Variants in MSN observed in about 807,000 individuals in gnomAD.
The protein encoded by MSN is moesin.
Under a neutral mutation model 48.0 loss-of-function variants are expected in MSN, and 2 were observed. The ratio of observed to expected loss-of-function variants is 0.04; its 90% CI spans 0.02 to 0.13. MSN has a LOEUF of 0.13. Among genes scored for constraint, MSN ranks in the 10% least tolerant of loss-of-function variants. The probability of loss-of-function intolerance (pLI) is 1.00; values close to 1 mark genes in which losing one functional copy is unlikely to be tolerated. For missense variants in MSN, 267 were observed against 470.1 expected, an observed-to-expected ratio of 0.57 and a Z score of 3.99; for synonymous variants, 146 against 166.9, an observed-to-expected ratio of 0.87 and a Z score of 0.97.
rs1013478944 is a variant in MSN, at chrX:65,624,413, C to A, written c.-22+35801C>A. ...ACTTATTCCCTCTTTCTTCTATTGT[C>A]ATTCTGTGCAAAAGTTTGTCAATTT... On this transcript the variant is annotated intron_variant, in intron 1 of 3. Coordinates refer to the MSN transcript ENST00000609672. Among the ~76,000 whole-genome samples, 46 of 110,440 alleles carry A rather than the reference C, an allele frequency of 4.2e-4. 1 individual carries two copies. Among genetic ancestry groups the A allele is most frequent in the African/African-American group, 1.4e-3 (42 of 29,861 alleles).
At chrX:65,714,661 TG>T (rs1441189088) in intron 1 of MSN, among the ~76,000 whole-genome samples, 1 of 111,839 alleles carries the variant, frequency 8.9e-6, no homozygotes, top group African/African-American at 3.3e-5. Flanking sequence ...TTAATGGGGT[TG>T]TTTTTTTTCT....
chrX:65,630,178 CAA>C (rs779661452), intron 1 of MSN, among the ~76,000 whole-genome samples: 4 of 94,080 alleles, frequency 4.3e-5, no homozygotes, highest in Admixed American at 2.3e-4. Context: ...GCCTTTGACT[CAA>C]AAAAAAAAAA....
intron 1 of MSN, among the ~76,000 whole-genome samples, chrX:65,621,777 G>A (rs1184884089): frequency 8.9e-6 from 1 of 112,195 alleles, no homozygotes; most frequent in Admixed American, 9.5e-5. Flanking sequence ...AATGCTTTTT[G>A]TATATTTAGG....
At chrX:65,617,015 A>G (rs1255381319) in intron 1 of MSN, among the ~76,000 whole-genome samples, 2 of 108,511 alleles carry the variant, frequency 1.8e-5, no homozygotes, top group Admixed American at 9.7e-5. Context: ...ACATTTATTG[A>G]TTTGCATATA....
chrX:65,666,169 AT>A (rs2070867694), upstream of MSN, among the ~76,000 whole-genome samples: 1 of 104,537 alleles, frequency 9.6e-6, no homozygotes, highest in South Asian at 4.2e-4. Flanking sequence ...CACCCGGCTA[AT>A]TTTTTTGTTT....
chrX:65,626,069 C>T (rs1160527038), intron 1 of MSN, among the ~76,000 whole-genome samples: 3 of 108,915 alleles, frequency 2.8e-5, no homozygotes, highest in Non-Finnish European at 5.7e-5. Flanking sequence ...ATTCTCCTGC[C>T]TCAGCCTCCC....
intron 1 of MSN, among the ~76,000 whole-genome samples, chrX:65,591,630 T>C (rs2070147680): frequency 8.9e-6 from 1 of 111,827 alleles, no homozygotes; most frequent in Non-Finnish European, 1.9e-5. Flanking sequence ...CAGGATCAGC[T>C]AACCATTACC....
intron 1 of MSN, among the ~76,000 whole-genome samples, chrX:65,692,008 G>A (rs184199866): frequency 1.8e-5 from 2 of 112,206 alleles, no homozygotes; most frequent in Non-Finnish European, 3.8e-5. Flanking sequence ...GAGCTCTGTG[G>A]TGGCCTTCTT....
chrX:65,735,854 A>G (rs930790773), intron 8 of MSN, among the ~76,000 whole-genome samples: 1 of 112,321 alleles, frequency 8.9e-6, no homozygotes, highest in African/African-American at 3.2e-5. Context: ...AAGATGGTTA[A>G]GAAGTGCTAT....
intron 2 of MSN, among the ~76,000 whole-genome samples, chrX:65,725,624 C>CA (rs1170831090): frequency 1.8e-5 from 2 of 111,664 alleles, no homozygotes; most frequent in Non-Finnish European, 3.8e-5. Context: ...TCATCCTCTG[C>CA]AAAAAGCCAA....
At chrX:65,677,139 T>G (rs2071007940) in intron 1 of MSN, among the ~76,000 whole-genome samples, 1 of 111,614 alleles carries the variant, frequency 9.0e-6, no homozygotes, top group African/African-American at 3.3e-5. Flanking sequence ...ATCCATTTAT[T>G]TTTTCAGATT....
intron 1 of MSN, among the ~76,000 whole-genome samples, chrX:65,590,811 G>T (rs967872401): frequency 9.0e-6 from 1 of 110,966 alleles, no homozygotes. Flanking sequence ...GGGGGTGGGG[G>T]AAAACCAGCA....
chrX:65,739,251 G>A, intron 12 of MSN, 57 bp downstream of exon 12: 2 of 1,061,632 alleles, frequency 1.9e-6, no homozygotes. Flanking sequence ...AGTAGCCCAT[G>A]GCATTCCCTA....
chrX:65,675,800 G>A (rs1056813996), intron 1 of MSN, among the ~76,000 whole-genome samples: 1 of 111,226 alleles, frequency 9.0e-6, no homozygotes, highest in Admixed American at 9.5e-5. Context: ...ACCACGCCCA[G>A]CCAATTTTTG....
intron 1 of MSN, among the ~76,000 whole-genome samples, chrX:65,661,210 C>A (rs756203381): frequency 7.2e-5 from 8 of 111,685 alleles, no homozygotes; most frequent in Non-Finnish European, 1.5e-4. Context: ...GTGATCCAAC[C>A]GCCTCAGTCT....
At chrX:65,620,155 CT>C (rs926803479) in intron 1 of MSN, among the ~76,000 whole-genome samples, 3 of 112,664 alleles carry the variant, frequency 2.7e-5, no homozygotes, top group Non-Finnish European at 5.6e-5. Flanking sequence ...TTACTGCTGT[CT>C]TTTTGTTTGT....
chrX:65,720,598 A>C (rs1463904734), intron 2 of MSN, among the ~76,000 whole-genome samples: 1 of 111,985 alleles, frequency 8.9e-6, no homozygotes, highest in Non-Finnish European at 1.9e-5. Flanking sequence ...GGCATAAGGG[A>C]GGAAGTCCGT....
At chrX:65,629,990 C>G (rs1389029027) in intron 1 of MSN, among the ~76,000 whole-genome samples, 1 of 110,579 alleles carries the variant, frequency 9.0e-6, no homozygotes, top group Non-Finnish European at 1.9e-5. Flanking sequence ...ACCAGCCTGG[C>G]CAACGTGGTG....
chrX:65,665,554 A>G (rs913867256), upstream of MSN, among the ~76,000 whole-genome samples: 7 of 112,076 alleles, frequency 6.2e-5, no homozygotes, highest in Admixed American at 1.9e-4. Context: ...AATCGTGGAC[A>G]CTGTTGGTCT....
Sources: allele counts gnomAD v4.1 joint callset (sites outside exome capture counted in the v4.1 genomes callset), GRCh38; gene constraint gnomAD v4.1.1; transcripts MANE v1.5; gene names NCBI Gene and HGNC (gene_info 2026-07-23, HGNC 2026-07-21).